DYNC1I2: variants seen among roughly 807,000 people sequenced by gnomAD.
DYNC1I2 encodes the protein dynein cytoplasmic 1 intermediate chain 2, also known as cytoplasmic dynein 1 intermediate chain 2.
DYNC1I2 carries 53 observed loss-of-function variants against 88.6 expected under a neutral mutation model. The observed-to-expected ratio is 0.60, with a 90% confidence interval of 0.48 to 0.75. DYNC1I2 has a LOEUF of 0.75. Among genes scored for constraint, DYNC1I2 ranks in the 30% least tolerant of loss-of-function variants. The probability of loss-of-function intolerance (pLI) is 0.00; values close to 1 mark genes in which losing one functional copy is unlikely to be tolerated. For missense variants in DYNC1I2, 458 were observed against 766.6 expected (o/e 0.60, Z 4.75); for synonymous variants, 198 against 254.6 (o/e 0.78, Z 2.12).
intron 3 of DYNC1I2, among the ~76,000 whole-genome samples, chr2:171,696,391 T>C (rs1685769175): frequency 6.6e-6 from 1 of 152,198 alleles, no homozygotes; most frequent in Non-Finnish European, 1.5e-5. Flanking sequence ...CTAGGTATAA[T>C]GCAAATAGTC....
In DYNC1I2 at chr2:171,748,641, G is replaced by A. The variant is rs1005337044; in HGVS notation, c.*752G>A. Among the ~76,000 whole-genome samples, 19 of 152,172 alleles carry A rather than the reference G, an allele frequency of 1.2e-4. No individual in the cohort carries two copies. The highest frequency in any genetic ancestry group is 8.3e-4 in the South Asian group (4 of 4,814). On this transcript the variant is annotated 3_prime_UTR_variant, in exon 18 of 18. Coordinates refer to ENST00000397119, the MANE Select transcript of DYNC1I2 (RefSeq NM_001378.3). ...AAAAATTTCCCCTAGGTTAACTTTTGCTTTACTACTTTATATTCTTTCCAT... is the reference window on the plus strand; with the variant it reads ...AAAAATTTCCCCTAGGTTAACTTTTACTTTACTACTTTATATTCTTTCCAT...
chr2:171,711,123 G>T (rs1422558444), intron 5 of DYNC1I2, among the ~76,000 whole-genome samples: 1 of 151,498 alleles, frequency 6.6e-6, no homozygotes, highest in Non-Finnish European at 1.5e-5. Flanking sequence ...GCGGTGTTTG[G>T]TTTTTTGTCC....
rs1269095457 is a variant in DYNC1I2 at position 171,715,400 on chromosome 2, T to C, written c.468T>C (p.Tyr156=). 6.4e-7 allele frequency: 1 copy of C among 1,569,186 alleles called. No homozygotes were observed. The highest frequency in any genetic ancestry group is 1.4e-5 in the African/African-American group (1 of 74,062). ...VDFPPREIVT[Y]TKETQTPVMA... Reference sequence around the variant, plus strand: ...TTCCTCCTCGAGAAATTGTCACGTATACAAAGGAAACTCAGACTCCAGTTA... The same window carrying C: ...TTCCTCCTCGAGAAATTGTCACGTACACAAAGGAAACTCAGACTCCAGTTA... Residue 156 remains tyrosine, a synonymous_variant, in exon 7 of 18, where the codon TAT becomes TAC. Transcript: ENST00000397119.
chr2:171,745,866 C>G lies in DYNC1I2; in HGVS notation c.1742C>G (p.Ser581Cys). ...PALNRVRWTH[S>C]GREIAVGDSE... ...CTTAATCGTGTGAGATGGACCCATT[C>G]TGGCAGAGAGATTGCTGTGGGTGAT... is the stretch of plus-strand genomic sequence containing the variant. The change falls in exon 17 of 18, where the codon TCT becomes TGT. Residue 581 changes from serine to cysteine, a missense_variant. Physicochemically the swap from Ser to Cys is moderately radical, Grantham distance 112 (BLOSUM62 -1). Around this residue, in one of 5 missense-constraint regions of DYNC1I2, gnomAD observed 188 missense variants for 300.4 expected, o/e 0.63. Coordinates refer to ENST00000397119, the MANE Select transcript of DYNC1I2 (RefSeq NM_001378.3). The G allele has an allele frequency of 6.2e-7, 1 of 1,613,858 alleles. No homozygotes were observed. Among genetic ancestry groups the G allele is most frequent in the Non-Finnish European group, 8.5e-7 (1 of 1,179,806 alleles).
chr2:171,712,965 A>G (rs1687226055), intron 6 of DYNC1I2, 139 bp downstream of exon 6: 1 of 689,432 alleles, frequency 1.5e-6, no homozygotes. Context: ...GTGACACCTC[A>G]TTTATCCAGT....
chr2:171,741,283 T>C (rs1689409400), intron 15 of DYNC1I2, among the ~76,000 whole-genome samples: 1 of 152,222 alleles, frequency 6.6e-6, no homozygotes, highest in Non-Finnish European at 1.5e-5. Flanking sequence ...TTTTTATTTC[T>C]CTCGGGTATA....
intron 16 of DYNC1I2, 118 bp downstream of exon 16, chr2:171,744,307 A>G (rs1327230355): frequency 9.1e-7 from 1 of 1,095,264 alleles, no homozygotes; most frequent in African/African-American, 1.6e-5. Context: ...TTGTAGATTC[A>G]TCACAAAGAA....
rs373783701 is a variant in DYNC1I2, at chr2:171,726,299, A to G, written c.870+6A>G. 614 of 1,587,596 alleles carry G rather than the reference A, an allele frequency of 3.9e-4. No homozygotes were observed. Among genetic ancestry groups the G allele is most frequent in the Non-Finnish European group, 5.1e-4 (594 of 1,164,300 alleles). ...GTTTGGATTGGTCATCTCAGGTAAA[A>G]TATAACAAAATAGGCCGCTCTTAAC... On this transcript the variant is annotated splice_donor_region_variant and intron_variant, in intron 10 of 17. Coordinates refer to ENST00000397119, the MANE Select transcript of DYNC1I2 (RefSeq NM_001378.3).
At chr2:171,716,731 C>G (rs951175272) in intron 7 of DYNC1I2, among the ~76,000 whole-genome samples, 9 of 152,060 alleles carry the variant, frequency 5.9e-5, no homozygotes, top group Middle Eastern at 6.8e-3. Flanking sequence ...CATGGTGAAA[C>G]CTTGTCTCTA....
chr2:171,738,994 C>T (rs1689203964), intron 15 of DYNC1I2, among the ~76,000 whole-genome samples: 1 of 150,680 alleles, frequency 6.6e-6, no homozygotes, highest in South Asian at 2.1e-4. Context: ...ACTAAAAATA[C>T]AAAATTAGCC....
Position 171,747,788 on chromosome 2 carries a change from C to A in DYNC1I2, c.1816C>A (p.Pro606Thr). The A allele has an allele frequency of 6.2e-7, 1 of 1,608,190 alleles. No homozygotes were observed. Among genetic ancestry groups the A allele is most frequent in the South Asian group, 1.1e-5 (1 of 90,208 alleles). The change falls in exon 18 of 18, where the codon CCC (proline) becomes ACC (threonine). Residue 606 changes from proline to threonine, a missense_variant. By Grantham distance (38) the Pro-to-Thr change is conservative. Transcript: ENST00000397119. ...IYDVGEQIAV[P>T]RNDEWARFGR... is the part of the protein sequence containing the mutation. ...TTTCTTTTAACAGCAGATTGCTGTTCCCCGCAATGATGAATGGGCACGGTT... is the reference window on the plus strand; with the variant it reads ...TTTCTTTTAACAGCAGATTGCTGTTACCCGCAATGATGAATGGGCACGGTT...
At chr2:171,741,971 A>G (rs1689462012) in intron 15 of DYNC1I2, among the ~76,000 whole-genome samples, 1 of 151,718 alleles carries the variant, frequency 6.6e-6, no homozygotes, top group African/African-American at 2.4e-5. Flanking sequence ...AATCCCAGCT[A>G]CTTGGGAGGC....
chr2:171,719,446 G>A (rs1687756339), intron 7 of DYNC1I2, among the ~76,000 whole-genome samples: 1 of 152,168 alleles, frequency 6.6e-6, no homozygotes, highest in Non-Finnish European at 1.5e-5. Flanking sequence ...TACCCATCAC[G>A]TTAATACAGT....
chr2:171,701,806 ACAGAG>A (rs1686282220), intron 3 of DYNC1I2, among the ~76,000 whole-genome samples: 9 of 152,188 alleles, frequency 5.9e-5, no homozygotes, highest in Admixed American at 4.6e-4. Flanking sequence ...AAAATTTTTT[ACAGAG>A]TATACTATCT....
At chr2:171,702,186 G>A (rs1348967486) in intron 3 of DYNC1I2, among the ~76,000 whole-genome samples, 1 of 152,184 alleles carries the variant, frequency 6.6e-6, no homozygotes, top group East Asian at 1.9e-4. Flanking sequence ...CCCAGAAAAG[G>A]TTAACACTGT....
chr2:171,728,084 T>C, intron 12 of DYNC1I2, 117 bp downstream of exon 12: 1 of 1,258,336 alleles, frequency 7.9e-7, no homozygotes, highest in Non-Finnish European at 1.1e-6. Context: ...TATGAATTCC[T>C]CACCATTTAG....
intron 3 of DYNC1I2, among the ~76,000 whole-genome samples, chr2:171,701,686 G>T (rs1286768341): frequency 6.6e-6 from 1 of 152,088 alleles, no homozygotes; most frequent in Non-Finnish European, 1.5e-5. Flanking sequence ...AGGTTTTGAA[G>T]AACATTTTAT....
chr2:171,738,740 A>C (rs754550661), intron 15 of DYNC1I2, among the ~76,000 whole-genome samples: 11 of 152,240 alleles, frequency 7.2e-5, no homozygotes, highest in African/African-American at 2.2e-4. Flanking sequence ...ATTGGTGTGC[A>C]TCAGAATCAC....
At chr2:171,688,077 G>A (rs571514000) in intron 1 of DYNC1I2, 1 of 152,402 alleles carries the variant, frequency 6.6e-6, no homozygotes, top group East Asian at 1.9e-4. Flanking sequence ...GGCGGCCTGG[G>A]GAGCCTTGAG....
Sources: allele counts gnomAD v4.1 joint callset (sites outside exome capture counted in the v4.1 genomes callset), GRCh38; gene constraint gnomAD v4.1.1; regional missense constraint gnomAD v4.1.1; transcripts MANE v1.5; gene names NCBI Gene and HGNC (gene_info 2026-07-23, HGNC 2026-07-21).